SPATA6L: variants seen among roughly 807,000 people sequenced by gnomAD.
SPATA6L encodes spermatogenesis associated 6-like protein.
A neutral mutation model predicts 49.2 loss-of-function variants in SPATA6L; 68 were observed. The observed-to-expected ratio is 1.38, with a 90% CI of 1.14 to 1.69. The LOEUF is 1.69. Among genes scored for constraint, SPATA6L ranks in the 40% most tolerant of loss-of-function variants. The pLI is 0.00. For missense variants in SPATA6L, 668 were observed against 464.3 expected, an observed-to-expected ratio of 1.44 and a Z score of -4.03; for synonymous variants, 198 against 165.7, an observed-to-expected ratio of 1.19 and a Z score of -1.50.
intron 3 of SPATA6L, among the ~76,000 whole-genome samples, chr9:4,643,060 T>G (rs750852174): frequency 1.3e-5 from 2 of 152,184 alleles, no homozygotes; most frequent in African/African-American, 4.8e-5. Context: ...CAGGCTGGAG[T>G]GCAGTGGTGC....
intron 3 of SPATA6L, among the ~76,000 whole-genome samples, chr9:4,642,434 GA>G (rs1834230898): frequency 6.6e-6 from 1 of 152,152 alleles, no homozygotes; most frequent in African/African-American, 2.4e-5. Context: ...GTCTACCTAT[GA>G]AGGTAATGAC....
intron 4 of SPATA6L, among the ~76,000 whole-genome samples, chr9:4,630,312 C>A (rs569602822): frequency 6.6e-6 from 1 of 152,264 alleles, no homozygotes; most frequent in Non-Finnish European, 1.5e-5. Flanking sequence ...TTTTAAAATA[C>A]AACTGCTTTC....
chr9:4,639,224 A>G (rs1373074662), intron 3 of SPATA6L, among the ~76,000 whole-genome samples: 3 of 152,170 alleles, frequency 2.0e-5, no homozygotes, highest in Non-Finnish European at 4.4e-5. Flanking sequence ...TGTAAACATC[A>G]TTATGTTCCT....
chr9:4,623,856 G>A (rs1016367451), intron 6 of SPATA6L, among the ~76,000 whole-genome samples: 2 of 152,158 alleles, frequency 1.3e-5, no homozygotes, highest in African/African-American at 4.8e-5. Flanking sequence ...AATAAATGAA[G>A]TCAATTCGAT....
chr9:4,629,628 G>C (rs1018965558), intron 4 of SPATA6L, among the ~76,000 whole-genome samples: 6 of 151,398 alleles, frequency 4.0e-5, no homozygotes, highest in South Asian at 4.2e-4. Context: ...TGAAAAACTT[G>C]CTTTATATTT....
Position 4,662,021 on chromosome 9 carries a change from C to T in SPATA6L, c.55G>A (p.Val19Met). 2 of 1,613,902 alleles carry T rather than the reference C, an allele frequency of 1.2e-6. No homozygotes were observed. Among genetic ancestry groups the T allele is most frequent in the Non-Finnish European group, 1.7e-6 (2 of 1,179,928 alleles). ...LQIRAISCPGVFLPGKQDVYL... is the reference protein window; with the variant it reads ...LQIRAISCPGMFLPGKQDVYL... Reference sequence around the variant, plus strand: ...ACATCTTGTTTGCCAGGCAGGAACACTCCTGGGCAAGAAATCTTAAAAAGA... The same window carrying T: ...ACATCTTGTTTGCCAGGCAGGAACATTCCTGGGCAAGAAATCTTAAAAAGA... Residue 19 changes from valine (V) to methionine (M), a missense_variant, in exon 2 of 12, where the codon GTG becomes ATG. Transcript: ENST00000682582. The surrounding 1 kb of genome is among the most constrained non-coding windows in gnomAD (Gnocchi z 4.9).
At chr9:4,602,319 T>C (rs1471966739) in intron 11 of SPATA6L, among the ~76,000 whole-genome samples, 1 of 152,080 alleles carries the variant, frequency 6.6e-6, no homozygotes, top group African/African-American at 2.4e-5. Flanking sequence ...TAGACGGCAA[T>C]TATTTTGGTA....
chr9:4,596,861 C>T (rs1186492318), downstream of SPATA6L, among the ~76,000 whole-genome samples: 1 of 152,166 alleles, frequency 6.6e-6, no homozygotes, highest in Non-Finnish European at 1.5e-5. Flanking sequence ...GCAGGGTTTG[C>T]AAACTGGCTC....
chr9:4,652,386 TCAAA>T (rs1447962323), intron 3 of SPATA6L, among the ~76,000 whole-genome samples: 1 of 151,788 alleles, frequency 6.6e-6, no homozygotes, highest in Non-Finnish European at 1.5e-5. Flanking sequence ...AAACTCTGTC[TCAAA>T]CAAAAACAAA....
intron 10 of SPATA6L, 94 bp from the exon 11 acceptor site, chr9:4,604,363 G>A: frequency 1.3e-6 from 1 of 757,108 alleles, no homozygotes; most frequent in South Asian, 1.7e-5. Context: ...GGAGGTCTGT[G>A]CATCCCATTT....
intron 9 of SPATA6L, among the ~76,000 whole-genome samples, chr9:4,606,906 G>C (rs1471410659): frequency 1.4e-5 from 2 of 142,574 alleles, no homozygotes; most frequent in African/African-American, 5.8e-5. Context: ...AAAAAATTTA[G>C]AAGAATGTAT....
At position 4,618,066 on chromosome 9, in the gene SPATA6L, T is replaced by C. The variant is rs559455671; in HGVS notation, c.852A>G (p.Ser284=). The C allele has an allele frequency of 1.4e-5, 23 of 1,613,956 alleles. No individual in the cohort carries two copies. The highest frequency in any genetic ancestry group is 6.7e-5 in the East Asian group (3 of 44,882). Residue 284 remains serine, a synonymous_variant, in exon 9 of 12, where the codon TCA becomes TCG. Coordinates refer to ENST00000682582, the MANE Select transcript of SPATA6L (RefSeq NM_001353486.2). ...PDERIVLRSD[S]SSCLDSSQFG... ...ACTGACTTGAATCTAAACATGATGA[T>C]GAGTCACTCCTTAAAACAATCCGTT...
chr9:4,621,845 C>T (rs1829380170), intron 7 of SPATA6L, among the ~76,000 whole-genome samples: 1 of 152,128 alleles, frequency 6.6e-6, no homozygotes, highest in Non-Finnish European at 1.5e-5. Flanking sequence ...ATGCTAACTA[C>T]TGATATTATC....
chr9:4,623,898 G>A (rs895040425), intron 6 of SPATA6L, among the ~76,000 whole-genome samples: 2 of 152,198 alleles, frequency 1.3e-5, no homozygotes, highest in Admixed American at 1.3e-4. Flanking sequence ...AAGATTGGTT[G>A]TTAGATTTTT....
Position 4,600,259 on chromosome 9 carries a change from C to G in SPATA6L, c.*552G>C, listed in dbSNP as rs1051263160. 6.6e-6 allele frequency among the ~76,000 whole-genome samples: 1 copy of G among 152,154 alleles called. No individual in the cohort carries two copies. Among genetic ancestry groups the G allele is most frequent in the Non-Finnish European group, 1.5e-5 (1 of 68,030 alleles). On this transcript the variant is annotated 3_prime_UTR_variant, in exon 12 of 12. Coordinates refer to ENST00000682582, the MANE Select transcript of SPATA6L (RefSeq NM_001353486.2). ...AGACATTCAACATCTAAAACAAGAT[C>G]TGAACTACCCAGACGTAATGCTCTC...
intron 11 of SPATA6L, among the ~76,000 whole-genome samples, chr9:4,603,091 G>C (rs149022179): frequency 3.5e-4 from 54 of 152,302 alleles, no homozygotes; most frequent in African/African-American, 1.3e-3. Flanking sequence ...GAGTTGCCTT[G>C]TTACATGCAT....
At chr9:4,641,321 T>A (rs1286104182) in intron 3 of SPATA6L, among the ~76,000 whole-genome samples, 1 of 152,122 alleles carries the variant, frequency 6.6e-6, no homozygotes, top group Non-Finnish European at 1.5e-5. Context: ...TATGAAAATA[T>A]CCATGAATGC....
chr9:4,638,470 C>T (rs1833291756), intron 3 of SPATA6L, among the ~76,000 whole-genome samples: 2 of 152,218 alleles, frequency 1.3e-5, no homozygotes. Flanking sequence ...GCCTCAGCCT[C>T]CCGAAGTGCT....
rs150609851 is a variant in SPATA6L at position 4,627,553 on chromosome 9, T to C, written c.429+1538A>G. On this transcript the variant is annotated intron_variant, in intron 5 of 11. Transcript: ENST00000682582. ...GGTTTTACTCTACCCTGTCCCAAAG[T>C]ATTTGGAGAAGCTTCACAAACTACC... 1.6e-3 allele frequency: 602 copies of C among 365,358 alleles called. 2 individuals are homozygous for C. The highest frequency in any genetic ancestry group is 2.2e-3 in the Non-Finnish European group (432 of 192,558). The allele number at this position is 365,358 out of a possible 1,614,324, so 22.6% of individuals were successfully genotyped here. A position where few individuals can be genotyped will look rare whatever the true frequency, so the allele number is the denominator to read the frequency against.
Sources: allele counts gnomAD v4.1 joint callset (sites outside exome capture counted in the v4.1 genomes callset), GRCh38; gene constraint gnomAD v4.1.1; non-coding constraint Gnocchi (gnomAD v3.1); transcripts MANE v1.5; gene names NCBI Gene and HGNC (gene_info 2026-07-23, HGNC 2026-07-21).